The following DCC variants were observed in gnomAD, a reference collection of about 807,000 sequenced individuals.
The protein encoded by DCC is DCC netrin 1 receptor, also known as netrin receptor DCC.
In DCC, 58 loss-of-function variants were observed where a neutral mutation model predicts 172.5. That is an observed-to-expected ratio of 0.34 (90% CI 0.27 to 0.42). The LOEUF (loss-of-function observed/expected upper bound fraction) is 0.42. Among genes scored for constraint, DCC ranks in the 10% least tolerant of loss-of-function variants. The probability of loss-of-function intolerance (pLI) is 1.00; values close to 1 mark genes in which losing one functional copy is unlikely to be tolerated. For synonymous variants in DCC, 709 were observed against 644.5 expected, an observed-to-expected ratio of 1.10 and a Z score of -1.52; for missense variants, 1,740 against 1,791.0, an observed-to-expected ratio of 0.97 and a Z score of 0.51.
intron 1 of DCC, among the ~76,000 whole-genome samples, chr18:52,345,329 G>A (rs1004940767): frequency 6.6e-6 from 1 of 152,152 alleles, no homozygotes; most frequent in Non-Finnish European, 1.5e-5. Flanking sequence ...AAGAGGAATA[G>A]TAAATACTAT....
intron 12 of DCC, among the ~76,000 whole-genome samples, chr18:53,217,961 C>CA (rs1418327083): frequency 1.3e-5 from 2 of 152,036 alleles, no homozygotes; most frequent in African/African-American, 4.8e-5. Context: ...CCTCTTGACT[C>CA]AGACTCTAGC....
intron 12 of DCC, among the ~76,000 whole-genome samples, chr18:53,274,659 A>T (rs891069319): frequency 1.3e-5 from 2 of 152,164 alleles, no homozygotes; most frequent in Admixed American, 1.3e-4. Context: ...TTCGTTTGAA[A>T]ATCCCAGTTG....
intron 15 of DCC, among the ~76,000 whole-genome samples, chr18:53,364,759 T>C (rs2057983803): frequency 6.6e-6 from 1 of 152,146 alleles, no homozygotes; most frequent in South Asian, 2.1e-4. Context: ...ACATACATTA[T>C]TTCATAAACT....
chr18:52,872,791 G>A (rs1022553230), intron 2 of DCC, among the ~76,000 whole-genome samples: 1 of 152,042 alleles, frequency 6.6e-6, no homozygotes, highest in Admixed American at 6.5e-5. Context: ...TATAAATAGG[G>A]GTTAGTGGCC....
At chr18:53,312,163 A>C (rs1269230766) in intron 13 of DCC, among the ~76,000 whole-genome samples, 3 of 92,438 alleles carry the variant, frequency 3.2e-5, no homozygotes, top group African/African-American at 9.1e-5. Flanking sequence ...CAAAAAAAAA[A>C]AAAAAAAAAA....
chr18:52,983,307 G>A (rs1416414969), intron 5 of DCC, among the ~76,000 whole-genome samples: 1 of 152,166 alleles, frequency 6.6e-6, no homozygotes, highest in African/African-American at 2.4e-5. Context: ...TTTGCAGGGT[G>A]AGACACAGAA....
intron 18 of DCC, 146 bp downstream of exon 18, chr18:53,397,592 T>C (rs997180584): frequency 3.6e-6 from 3 of 833,888 alleles, no homozygotes; most frequent in African/African-American, 1.7e-5. Context: ...AGCACTTTTA[T>C]ATCTAAGAGT....
intron 7 of DCC, among the ~76,000 whole-genome samples, chr18:53,118,321 C>T (rs879391616): frequency 9.2e-5 from 14 of 151,746 alleles, no homozygotes; most frequent in South Asian, 2.1e-4. Context: ...CTACTACCTT[C>T]GTCAAATAAT....
intron 3 of DCC, among the ~76,000 whole-genome samples, chr18:52,914,200 A>AT (rs1196672264): frequency 8.9e-6 from 1 of 112,200 alleles, no homozygotes; most frequent in Non-Finnish European, 2.1e-5. Flanking sequence ...CAGCTGCAAA[A>AT]TTAAAAAAAA....
chr18:52,675,309 C>A (rs2035629254), intron 1 of DCC, among the ~76,000 whole-genome samples: 1 of 152,152 alleles, frequency 6.6e-6, no homozygotes, highest in Admixed American at 6.5e-5. Context: ...ACTGCCTCGG[C>A]CTCCCAAAAT....
chr18:52,341,894 C>T (rs529083525), intron 1 of DCC, among the ~76,000 whole-genome samples: 1 of 151,996 alleles, frequency 6.6e-6, no homozygotes, highest in Non-Finnish European at 1.5e-5. Flanking sequence ...GAGAGCCCTT[C>T]GGAAACGACC....
At chr18:52,584,233 C>T (rs577816673) in intron 1 of DCC, among the ~76,000 whole-genome samples, 5 of 152,210 alleles carry the variant, frequency 3.3e-5, no homozygotes, top group African/African-American at 4.8e-5. Flanking sequence ...GAAGAAGGAA[C>T]GTGGCTTCTA....
At chr18:52,347,104 AG>A (rs1983912730) in intron 1 of DCC, among the ~76,000 whole-genome samples, 1 of 152,204 alleles carries the variant, frequency 6.6e-6, no homozygotes, top group Non-Finnish European at 1.5e-5. Flanking sequence ...CTGAATCTTT[AG>A]GATGTTATCT....
At chr18:52,677,155 C>T (rs1305184945) in intron 1 of DCC, among the ~76,000 whole-genome samples, 1 of 152,108 alleles carries the variant, frequency 6.6e-6, no homozygotes, top group African/African-American at 2.4e-5. Flanking sequence ...ATTCTTGTCT[C>T]TTAATGCCAA....
intron 21 of DCC, among the ~76,000 whole-genome samples, chr18:53,418,239 G>A (rs1268855267): frequency 1.3e-5 from 2 of 152,072 alleles, no homozygotes; most frequent in Non-Finnish European, 2.9e-5. Flanking sequence ...TAATTTAGTG[G>A]TTATAAATAA....
chr18:53,260,496 C>G (rs1007084127), intron 12 of DCC, among the ~76,000 whole-genome samples: 6 of 152,110 alleles, frequency 3.9e-5, no homozygotes, highest in Non-Finnish European at 7.3e-5. Context: ...TGGGTATCAG[C>G]AGGAGAGGCT....
intron 7 of DCC, among the ~76,000 whole-genome samples, chr18:53,123,353 A>G (rs373047478): frequency 2.5e-4 from 38 of 152,090 alleles, no homozygotes; most frequent in African/African-American, 9.1e-4. Context: ...AGACCTACAA[A>G]AGGAAGAGGC....
chr18:53,318,458 G>A (rs1040435464), intron 13 of DCC, among the ~76,000 whole-genome samples: 1 of 152,274 alleles, frequency 6.6e-6, no homozygotes, highest in Non-Finnish European at 1.5e-5. Flanking sequence ...TGTATATTCT[G>A]TTGATTTGGG....
chr18:52,952,381 A>G (rs1476519343), intron 5 of DCC, among the ~76,000 whole-genome samples: 1 of 152,060 alleles, frequency 6.6e-6, no homozygotes, highest in East Asian at 1.9e-4. Flanking sequence ...TTTCTCAGAT[A>G]TTTAACAATC....
Sources: gnomAD v4.1 joint callset for allele counts (sites outside exome capture counted in the v4.1 genomes callset) on GRCh38, gnomAD v4.1.1 for gene constraint, MANE v1.5 for transcripts, NCBI Gene and HGNC (gene_info 2026-07-23, HGNC 2026-07-21) for gene names.